The following GPN1 variants were observed in gnomAD, a reference collection of about 807,000 sequenced individuals.
GPN1 encodes GPN-loop GTPase 1, also known as ATP(GTP)-binding protein.
In GPN1, 44 loss-of-function variants were observed where a neutral mutation model predicts 55.9. That is an observed-to-expected ratio of 0.79 (90% CI 0.62 to 1.01). The LOEUF (loss-of-function observed/expected upper bound fraction) is 1.01, where lower values mean the gene tolerates loss of function less well. GPN1 is among the 50% of genes least tolerant of loss of function. The probability of loss-of-function intolerance (pLI) is 0.00; values close to 1 mark genes in which losing one functional copy is unlikely to be tolerated. For missense variants in GPN1, 466 were observed against 462.8 expected (o/e 1.01, Z -0.06); for synonymous variants, 179 against 162.5 (o/e 1.10, Z -0.77).
intron 5 of GPN1, among the ~76,000 whole-genome samples, chr2:27,633,619 G>C (rs1473609727): frequency 1.3e-5 from 2 of 152,090 alleles, no homozygotes; most frequent in African/African-American, 4.8e-5. Flanking sequence ...GGGATTACAG[G>C]TGGCCTGCTA....
chr2:27,631,091 C>T (rs758437689), intron 3 of GPN1, 25 bp downstream of exon 3: 9 of 1,235,762 alleles, frequency 7.3e-6, no homozygotes, highest in African/African-American at 1.5e-5. Flanking sequence ...CTACTTTGGT[C>T]TTGACTCATT....
At chr2:27,649,933 T>C (rs539575208) in intron 13 of GPN1, among the ~76,000 whole-genome samples, 182 bp from the exon 14 acceptor site, 1 of 152,232 alleles carries the variant, frequency 6.6e-6, no homozygotes, top group Admixed American at 6.5e-5. Flanking sequence ...TTTCTACTTA[T>C]AAAGAAACTA....
Position 27,647,853 on chromosome 2 carries a change from C to T in GPN1, c.949C>T (p.Leu317=), listed in dbSNP as rs1674314031. ...CACTGTAGACAGCTTATCTCCTGTG[C>T]TGCACCCTTCTGATTTGATCCTGAC... ...GTAKDSLSPV[L]HPSDLILTRG... is the part of the protein sequence containing the mutation. Residue 317 remains leucine (L), a synonymous_variant, in exon 13 of 14, where the codon CTG becomes TTG. Transcript: ENST00000610189. 1 of 1,611,194 alleles carries T rather than the reference C, an allele frequency of 6.2e-7. No homozygotes were observed. The highest frequency in any genetic ancestry group is 1.3e-5 in the African/African-American group (1 of 74,976).
At chr2:27,628,684 C>G (rs1314465022), upstream of GPN1, 1 of 1,551,708 alleles carries the variant, frequency 6.4e-7, no homozygotes, top group South Asian at 1.2e-5. Context: ...AGTGGCTCCG[C>G]TCCCCGTTCT....
At chr2:27,631,003 G>T in intron 2 of GPN1, 24 bp from the exon 3 acceptor site, 1 of 1,132,072 alleles carries the variant, frequency 8.8e-7, no homozygotes, top group Non-Finnish European at 1.3e-6. Context: ...TTACATTCCA[G>T]TTAATTCTTT....
At position 27,650,219 on chromosome 2, in the gene GPN1, A is replaced by C; in HGVS notation, c.*19A>C. On this transcript the variant is annotated 3_prime_UTR_variant, in exon 14 of 14. Coordinates refer to ENST00000610189, the MANE Select transcript of GPN1 (RefSeq NM_007266.4). The stretch of plus-strand genomic sequence containing the variant: ...TAAATAGGAGACTTTAGCACACTTC[A>C]CTTGTTTCTAGAAGTCCAGAATTTT... 7.0e-7 allele frequency: 1 copy of C among 1,432,326 alleles called. No individual in the cohort carries two copies. The highest frequency in any genetic ancestry group is 9.8e-7 in the Non-Finnish European group (1 of 1,016,150). The allele number at this position is 1,432,326 out of a possible 1,614,324, so 88.7% of individuals were successfully genotyped here. A position where few individuals can be genotyped will look rare whatever the true frequency, so the allele number is the denominator to read the frequency against.
chr2:27,640,125 G>A lies in GPN1; in HGVS notation c.800G>A (p.Arg267Lys). ...QVTSAAEEYE[R>K]EYRPEYERLK... ...ACCAGTGCTGCCGAAGAATATGAAA[G>A]GTGAGGATAAAGGAAAATTCTATTG... The change falls in exon 10 of 14, where the codon AGG becomes AAG. Residue 267 changes from arginine to lysine, a missense_variant and splice_region_variant. Coordinates refer to ENST00000610189, the MANE Select transcript of GPN1 (RefSeq NM_007266.4). 10 of 1,595,562 alleles carry A rather than the reference G, an allele frequency of 6.3e-6. No homozygotes were observed. Among genetic ancestry groups the A allele is most frequent in the Non-Finnish European group, 8.6e-6 (10 of 1,163,210 alleles).
Position 27,632,659 on chromosome 2 carries a change from G to A in GPN1, c.339G>A (p.Gln113=), listed in dbSNP as rs779695880. The A allele has an allele frequency of 1.8e-5, 29 of 1,598,376 alleles. No homozygotes were observed. Among genetic ancestry groups the A allele is most frequent in the Non-Finnish European group, 2.4e-5 (28 of 1,165,814 alleles). The change falls in exon 5 of 14, where the codon CAG becomes CAA. Residue 113 remains glutamine (Q), a synonymous_variant. Transcript: ENST00000610189. The stretch of plus-strand genomic sequence containing the variant: ...TGATGAAATTTATTGAGAAGGCCCA[G>A]AACATGTCCAAGTAAGTGATGTCAG... The part of the protein sequence containing the change: ...DQVMKFIEKA[Q]NMSKYVLIDT...
intron 5 of GPN1, among the ~76,000 whole-genome samples, chr2:27,634,410 G>A (rs1221896924): frequency 1.3e-5 from 2 of 152,260 alleles, no homozygotes; most frequent in Non-Finnish European, 1.5e-5. Context: ...TATCACCACA[G>A]TCAATTTTAG....
chr2:27,629,430 G>A, intron 1 of GPN1: 1 of 1,548,562 alleles, frequency 6.5e-7, no homozygotes, highest in Non-Finnish European at 8.7e-7. Flanking sequence ...TGATAAAATT[G>A]CGTTTCTCGG....
chr2:27,641,374 G>A, intron 11 of GPN1, 95 bp downstream of exon 11: 4 of 860,172 alleles, frequency 4.7e-6, no homozygotes, highest in South Asian at 1.6e-5. Flanking sequence ...GGTTATTAAT[G>A]TATCTTTTAT....
intron 12 of GPN1, among the ~76,000 whole-genome samples, chr2:27,645,934 T>TG (rs1225372267): frequency 6.6e-6 from 1 of 152,138 alleles, no homozygotes; most frequent in Non-Finnish European, 1.5e-5. Flanking sequence ...TTTGCCGTGT[T>TG]GCCCAGGCTG....
At chr2:27,639,260 A>G (rs1463932504) in intron 9 of GPN1, among the ~76,000 whole-genome samples, 1 of 152,234 alleles carries the variant, frequency 6.6e-6, no homozygotes, top group Non-Finnish European at 1.5e-5. Flanking sequence ...ATTAAAACAT[A>G]TGATATATTG....
chr2:27,649,672 G>C (rs932211314), intron 13 of GPN1, among the ~76,000 whole-genome samples: 10 of 152,106 alleles, frequency 6.6e-5, no homozygotes, highest in African/African-American at 2.4e-4. Context: ...CAGTAGTGTA[G>C]TCTCTCCATG....
At chr2:27,638,545 TGG>T (rs1673819261) in intron 8 of GPN1, among the ~76,000 whole-genome samples, 1 of 152,252 alleles carries the variant, frequency 6.6e-6, no homozygotes, top group South Asian at 2.1e-4. Flanking sequence ...ACTAGTCTAC[TGG>T]AAGTGGCAAT....
rs755528901 is a variant in GPN1 at position 27,632,690 on chromosome 2, C to G, written c.350+20C>G. The G allele has an allele frequency of 1.3e-6, 2 of 1,495,618 alleles. No individual in the cohort carries two copies. Among genetic ancestry groups the G allele is most frequent in the South Asian group, 2.3e-5 (2 of 88,626 alleles). The allele number at this position is 1,495,618 out of a possible 1,614,324, so 92.6% of individuals were successfully genotyped here. ...GTCCAAGTAAGTGATGTCAGTAACACCCATTTATTACTCTGTAGCTGACAT... is the reference window on the plus strand; with the variant it reads ...GTCCAAGTAAGTGATGTCAGTAACAGCCATTTATTACTCTGTAGCTGACAT... On this transcript the variant is annotated intron_variant, in intron 5 of 13. Transcript: ENST00000610189.
chr2:27,635,052 GT>G, intron 6 of GPN1, 87 bp from the exon 7 acceptor site: 1 of 996,584 alleles, frequency 1.0e-6, no homozygotes, highest in Non-Finnish European at 1.6e-6. Context: ...GCCTAAAGTG[GT>G]TTTCCCTTGT....
upstream of GPN1, chr2:27,628,383 T>C: frequency 6.5e-7 from 1 of 1,549,884 alleles, no homozygotes; most frequent in African/African-American, 1.4e-5. Flanking sequence ...TCCCCTCCAG[T>C]ACCTACTTGC....
chr2:27,631,166 T>C, intron 3 of GPN1, 100 bp downstream of exon 3: 1 of 706,738 alleles, frequency 1.4e-6, no homozygotes, highest in South Asian at 1.5e-5. Context: ...TTGTGAAATA[T>C]ACAAGCAAAA....
Sources: allele counts gnomAD v4.1 joint callset (sites outside exome capture counted in the v4.1 genomes callset), GRCh38; gene constraint gnomAD v4.1.1; transcripts MANE v1.5; gene names NCBI Gene and HGNC (gene_info 2026-07-23, HGNC 2026-07-21).